The following ZDHHC17 variants were observed in gnomAD, a reference collection of about 807,000 sequenced individuals.
The protein encoded by ZDHHC17 is zDHHC palmitoyltransferase 17, also known as palmitoyltransferase ZDHHC17.
In ZDHHC17, 40 loss-of-function variants were observed where a neutral mutation model predicts 90.3. The ratio of observed to expected loss-of-function variants is 0.44; its 90% CI spans 0.34 to 0.58. The LOEUF (loss-of-function observed/expected upper bound fraction) is 0.58, where lower values mean the gene tolerates loss of function less well. ZDHHC17 is among the 20% of genes least tolerant of loss of function. The pLI is 0.01. For synonymous variants in ZDHHC17, 235 were observed against 252.4 expected, an observed-to-expected ratio of 0.93 and a Z score of 0.65; for missense variants, 614 against 780.8, an observed-to-expected ratio of 0.79 and a Z score of 2.55.
intron 1 of ZDHHC17, among the ~76,000 whole-genome samples, chr12:76,788,879 A>G (rs1369958536): frequency 6.6e-6 from 1 of 151,734 alleles, no homozygotes; most frequent in African/African-American, 2.4e-5. Context: ...TATTTTTAGT[A>G]GAGACGGGGT....
At chr12:76,822,303 GT>G (rs1953172976) in intron 7 of ZDHHC17, 102 bp from the exon 8 acceptor site, 1 of 1,451,628 alleles carries the variant, frequency 6.9e-7, no homozygotes, top group Non-Finnish European at 9.4e-7. Context: ...TCAAAACAAC[GT>G]TAATAGGGCA....
At chr12:76,846,806 G>T in intron 14 of ZDHHC17, 127 bp downstream of exon 14, 1 of 764,092 alleles carries the variant, frequency 1.3e-6, no homozygotes. Flanking sequence ...GACACCTTAT[G>T]AAGCACAAAA....
intron 10 of ZDHHC17, among the ~76,000 whole-genome samples, chr12:76,836,396 A>T (rs1953363408): frequency 6.6e-6 from 1 of 151,698 alleles, no homozygotes; most frequent in South Asian, 2.1e-4. Flanking sequence ...AATGTGCTAC[A>T]TTCTCTCTTG....
chr12:76,839,195 G>C (rs1401232915), intron 10 of ZDHHC17, among the ~76,000 whole-genome samples: 1 of 152,202 alleles, frequency 6.6e-6, no homozygotes. Context: ...AGGTGTTAGG[G>C]ATTCAACATA....
Position 76,805,401 on chromosome 12 carries a change from C to T in ZDHHC17, c.282C>T (p.Leu94=). The change falls in exon 3 of 17, where the codon CTC becomes CTT. Residue 94 remains leucine, a synonymous_variant. Coordinates refer to ENST00000426126, the MANE Select transcript of ZDHHC17 (RefSeq NM_015336.4). ...RQPDKENVTL[L]HWAAINNRID... is the part of the protein sequence containing the mutation. Reference sequence around the variant, plus strand: ...CGGACAAAGAAAATGTTACCCTCCTCCATTGGGCTGCCATCAATAACAGAA... The same window carrying T: ...CGGACAAAGAAAATGTTACCCTCCTTCATTGGGCTGCCATCAATAACAGAA... The T allele has an allele frequency of 1.9e-6, 3 of 1,598,242 alleles. No individual in the cohort carries two copies. Among genetic ancestry groups the T allele is most frequent in the Non-Finnish European group, 1.7e-6 (2 of 1,170,884 alleles).
At chr12:76,779,133 C>A (rs1952595917) in intron 1 of ZDHHC17, among the ~76,000 whole-genome samples, 2 of 152,134 alleles carry the variant, frequency 1.3e-5, no homozygotes, top group African/African-American at 4.8e-5. Context: ...ATTTCAGCTG[C>A]TAATTGTGTC....
intron 5 of ZDHHC17, among the ~76,000 whole-genome samples, chr12:76,811,783 G>A (rs10862539): frequency 0.44 from 67,403 of 151,768 alleles, 15,331 homozygotes; most frequent in East Asian, 0.65. Context: ...TATTTTAAGA[G>A]ATTTTATTCC....
At chr12:76,839,389 G>A (rs939815216) in intron 10 of ZDHHC17, among the ~76,000 whole-genome samples, 1 of 152,196 alleles carries the variant, frequency 6.6e-6, no homozygotes. Flanking sequence ...TATGATACAT[G>A]TGGTCTGTCT....
chr12:76,809,759 G>A lies in ZDHHC17; in HGVS notation c.445G>A (p.Asp149Asn). The A allele has an allele frequency of 1.3e-6, 2 of 1,599,578 alleles. No homozygotes were observed. The highest frequency in any genetic ancestry group is 1.7e-6 in the Non-Finnish European group (2 of 1,173,418). ...TGTGCAACTAATGAAATATGGTGCA[G>A]ATCCTTCATTAATTGATGGAGAAGG... ...MVVQLMKYGA[D>N]PSLIDGEGCS... The change falls in exon 5 of 17, where the codon GAT becomes AAT. Residue 149 changes from aspartate (D) to asparagine (N), a missense_variant. Physicochemically the swap from Asp to Asn is conservative, Grantham distance 23. Around this residue, in one of 5 missense-constraint regions of ZDHHC17, gnomAD observed 358 missense variants for 380.4 expected, o/e 0.94. Transcript: ENST00000426126.
chr12:76,835,316 G>A (rs899041949), intron 10 of ZDHHC17, among the ~76,000 whole-genome samples: 5 of 152,068 alleles, frequency 3.3e-5, no homozygotes, highest in Admixed American at 6.5e-5. Context: ...CTCCCAAAGT[G>A]CTGGGATTAC....
chr12:76,765,723 C>T (rs976219463), intron 1 of ZDHHC17, among the ~76,000 whole-genome samples: 8 of 152,152 alleles, frequency 5.3e-5, no homozygotes, highest in Non-Finnish European at 7.3e-5. Context: ...TTTTTTGAGA[C>T]GGGGTTTCTC....
intron 1 of ZDHHC17, chr12:76,769,030 T>C: frequency 4.9e-6 from 2 of 408,472 alleles, no homozygotes; most frequent in East Asian, 7.9e-5. Flanking sequence ...CCTCACAGAT[T>C]TCATAAAATC....
chr12:76,804,174 A>C (rs1014468813), intron 2 of ZDHHC17, among the ~76,000 whole-genome samples: 1 of 152,250 alleles, frequency 6.6e-6, no homozygotes, highest in African/African-American at 2.4e-5. Context: ...TGGTAGCTTC[A>C]GTCCTTACAT....
chr12:76,772,248 G>A (rs1952501128), intron 1 of ZDHHC17, among the ~76,000 whole-genome samples: 1 of 152,164 alleles, frequency 6.6e-6, no homozygotes, highest in Admixed American at 6.5e-5. Flanking sequence ...AGCTAGCTGT[G>A]GTTACAAATG....
chr12:76,845,726 G>A lies in ZDHHC17; in HGVS notation c.1347G>A (p.Arg449=), dbSNP rs373142535. Residue 449 remains arginine, a synonymous_variant, in exon 13 of 17, where the codon AGG becomes AGA. Coordinates refer to ENST00000426126, the MANE Select transcript of ZDHHC17 (RefSeq NM_015336.4). The stretch of plus-strand genomic sequence containing the variant: ...ATTAACAGATACGAAAACCGGTGAG[G>A]TCCAAACATTGTGGTGTGTGCAACC... ...CSTCLIRKPV[R]SKHCGVCNRC... is the part of the protein sequence containing the mutation. The A allele has an allele frequency of 6.2e-7, 1 of 1,608,606 alleles. No homozygotes were observed. The highest frequency in any genetic ancestry group is 8.5e-7 in the Non-Finnish European group (1 of 1,176,568).
At chr12:76,770,075 C>T (rs868828323) in intron 1 of ZDHHC17, among the ~76,000 whole-genome samples, 2 of 152,136 alleles carry the variant, frequency 1.3e-5, no homozygotes, top group Non-Finnish European at 2.9e-5. Flanking sequence ...TTGAACTCTG[C>T]ATCCCAATTT....
chr12:76,767,146 ACTT>A (rs1952440789), intron 1 of ZDHHC17, among the ~76,000 whole-genome samples: 1 of 152,122 alleles, frequency 6.6e-6, no homozygotes, highest in East Asian at 1.9e-4. Flanking sequence ...AGTTAATGTT[ACTT>A]CTTTTTTCTC....
At chr12:76,783,175 A>G (rs1170832302) in intron 1 of ZDHHC17, among the ~76,000 whole-genome samples, 1 of 152,214 alleles carries the variant, frequency 6.6e-6, no homozygotes, top group East Asian at 1.9e-4. Flanking sequence ...GGTTTCTCCC[A>G]TGATTGAGGG....
In ZDHHC17 at chr12:76,852,555, C is replaced by T. The variant is rs989329682; in HGVS notation, c.*1570C>T. On this transcript the variant is annotated 3_prime_UTR_variant, in exon 17 of 17. Coordinates refer to ENST00000426126, the MANE Select transcript of ZDHHC17 (RefSeq NM_015336.4). ...ACTGCATGTCTGATGCTTGGTAAAA[C>T]TAGTCTTCCCTGTAAAATGCAGATT... is the stretch of plus-strand genomic sequence containing the variant. 4.4e-4 allele frequency: 67 copies of T among 152,572 alleles called. No individual in the cohort carries two copies. The highest frequency in any genetic ancestry group is 1.6e-3 in the African/African-American group (67 of 41,422). 9.5% of individuals were successfully genotyped at this position (152,572 alleles called of 1,614,324 possible). A position where few individuals can be genotyped will look rare whatever the true frequency, so the allele number is the denominator to read the frequency against.
Sources: gnomAD v4.1 joint callset for allele counts (sites outside exome capture counted in the v4.1 genomes callset) on GRCh38, gnomAD v4.1.1 for gene constraint, gnomAD v4.1.1 regional missense constraint, MANE v1.5 for transcripts, NCBI Gene and HGNC (gene_info 2026-07-23, HGNC 2026-07-21) for gene names.